Variants in FAM171A2 observed in about 807,000 individuals in gnomAD.
The protein encoded by FAM171A2 is family with sequence similarity 171 member A2, also known as protein FAM171A2.
In FAM171A2, 13 loss-of-function variants were observed where a neutral mutation model predicts 34.2. The observed-to-expected ratio is 0.38, with a 90% CI of 0.25 to 0.60. The LOEUF is 0.60. Among genes scored for constraint, FAM171A2 ranks in the 20% least tolerant of loss-of-function variants. The probability of loss-of-function intolerance (pLI) is 0.62; values close to 1 mark genes in which losing one functional copy is unlikely to be tolerated. For missense variants in FAM171A2, 950 were observed against 1,180.7 expected, an observed-to-expected ratio of 0.80 and a Z score of 2.86; for synonymous variants, 475 against 561.2, an observed-to-expected ratio of 0.85 and a Z score of 2.17.
At chr17:44,361,841 C>T (rs962261228) in intron 1 of FAM171A2, among the ~76,000 whole-genome samples, 38 of 151,988 alleles carry the variant, frequency 2.5e-4, no homozygotes, top group African/African-American at 6.8e-4. Context: ...CCTAGGAGGA[C>T]GTGTGCAAGG....
At position 44,354,320 on chromosome 17, in the gene FAM171A2, C is replaced by T; in HGVS notation, c.1894G>A (p.Gly632Arg). The stretch of plus-strand genomic sequence containing the variant: ...TTCTCGGTCAGGGCCTGCAGCTCCC[C>T]GTTGAGCTGCGCCATGGTGGACTCG... Reference protein sequence around the residue: ...FNESTMAQLNGELQALTEKKL... With the variant: ...FNESTMAQLNRELQALTEKKL... The change falls in exon 8 of 8, where the codon GGG (glycine) becomes AGG (arginine). Residue 632 changes from glycine to arginine, a missense_variant. Gly to Arg is a moderately radical substitution (Grantham distance 125, BLOSUM62 -2). Around this residue, in one of 3 missense-constraint regions of FAM171A2, gnomAD observed 752 missense variants for 924.5 expected, o/e 0.81. Coordinates refer to ENST00000293443, the MANE Select transcript of FAM171A2 (RefSeq NM_198475.3). This position sits in a 1 kb window ranked among gnomAD's most constrained non-coding sequence, Gnocchi z 5.8. The T allele has an allele frequency of 6.9e-7, 1 of 1,443,480 alleles. No homozygotes were observed. Among genetic ancestry groups the T allele is most frequent in the Non-Finnish European group, 9.2e-7 (1 of 1,087,046 alleles). The allele number at this position is 1,443,480 out of a possible 1,614,324, so 89.4% of individuals were successfully genotyped here.
chr17:44,354,732 C>A lies in FAM171A2; in HGVS notation c.1482G>T (p.Lys494Asn). The A allele has an allele frequency of 7.6e-7, 1 of 1,322,444 alleles. No homozygotes were observed. The highest frequency in any genetic ancestry group is 9.7e-7 in the Non-Finnish European group (1 of 1,034,418). 81.9% of individuals were successfully genotyped at this position (1,322,444 alleles called of 1,614,324 possible). The change falls in exon 8 of 8, where the codon AAG becomes AAT. Residue 494 changes from lysine (K) to asparagine (N), a missense_variant. This residue lies in a region of FAM171A2 where 752 missense variants were observed against 924.5 expected (regional missense o/e 0.81). Transcript: ENST00000293443. The surrounding 1 kb of genome is among the most constrained non-coding windows in gnomAD (Gnocchi z 5.8). The part of the protein sequence containing the change: ...YLGHKGAAEG[K>N]TPDFLLSQSV... ...ACTGCGACAGCAGGAAGTCGGGGGT[C>A]TTGCCCTCGGCCGCCCCCTTGTGGC...
At chr17:44,362,430 C>A (rs1418033059) in intron 1 of FAM171A2, among the ~76,000 whole-genome samples, 1 of 152,198 alleles carries the variant, frequency 6.6e-6, no homozygotes, top group African/African-American at 2.4e-5. Context: ...GGAAATCCGA[C>A]CCCCTCCCTT....
intron 3 of FAM171A2, among the ~76,000 whole-genome samples, chr17:44,358,685 C>CAA (rs999803569): frequency 6.7e-6 from 1 of 150,366 alleles, no homozygotes; most frequent in Non-Finnish European, 1.5e-5. Context: ...TACTCCATCT[C>CAA]AAAAAAAAAC....
Position 44,356,419 on chromosome 17 carries a change from AC to A in FAM171A2, c.598+10del. ...TGGGGAGACCCCATCCGTGCTGGGC[AC>A]CCAGCCTACCTGAGCTGGAGGCCTC... On this transcript the variant is annotated intron_variant, in intron 4 of 7. Coordinates refer to ENST00000293443, the MANE Select transcript of FAM171A2 (RefSeq NM_198475.3). 6.5e-7 allele frequency: 1 copy of A among 1,550,210 alleles called. No individual in the cohort carries two copies.
In FAM171A2 at chr17:44,355,513, G is replaced by C. The variant is rs981849152; in HGVS notation, c.1022+202C>G. 6.6e-6 allele frequency among the ~76,000 whole-genome samples: 1 copy of C among 152,190 alleles called. No individual in the cohort carries two copies. Among genetic ancestry groups the C allele is most frequent in the Non-Finnish European group, 1.5e-5 (1 of 68,012 alleles). On this transcript the variant is annotated intron_variant, in intron 7 of 7. Transcript: ENST00000293443. The surrounding 1 kb of genome is among the most constrained non-coding windows in gnomAD (Gnocchi z 4.1). ...AGTGGCAGATCTCTCTGGAGGGGCC[G>C]GGCTGCAAGTCCTTAAGCCCTGCCT...
At chr17:44,363,509 A>G in intron 1 of FAM171A2, 88 bp downstream of exon 1, 1 of 558,070 alleles carries the variant, frequency 1.8e-6, no homozygotes, top group Non-Finnish European at 2.6e-6. Context: ...CACTCAATTC[A>G]CGAACGCCGC....
chr17:44,354,188 C>T lies in FAM171A2; in HGVS notation c.2026G>A (p.Gly676Ser). ...GCGTCGGTGCTGCGTGCCCCGCCGC[C>T]CGCCTGCAGGTCGATGTAAGAGTGG... ...VRHSYIDLQA[G>S]GGARSTDASL... The change falls in exon 8 of 8, where the codon GGC (glycine) becomes AGC (serine). Residue 676 changes from glycine (G) to serine (S), a missense_variant. Physicochemically the swap from Gly to Ser is moderately conservative, Grantham distance 56 (BLOSUM62 0). Coordinates refer to ENST00000293443, the MANE Select transcript of FAM171A2 (RefSeq NM_198475.3). This position sits in a 1 kb window ranked among gnomAD's most constrained non-coding sequence, Gnocchi z 5.8. The T allele has an allele frequency of 2.2e-6, 3 of 1,375,396 alleles. No homozygotes were observed. Among genetic ancestry groups the T allele is most frequent in the Non-Finnish European group, 2.8e-6 (3 of 1,053,676 alleles). 85.2% of individuals were successfully genotyped at this position (1,375,396 alleles called of 1,614,324 possible).
intron 3 of FAM171A2, among the ~76,000 whole-genome samples, chr17:44,357,948 C>T (rs781106866): frequency 6.6e-5 from 10 of 152,182 alleles, no homozygotes; most frequent in Non-Finnish European, 1.3e-4. Flanking sequence ...AATGGAGGCA[C>T]AGGGGTTCAG....
rs1598368597 is a variant in FAM171A2, at chr17:44,355,826, G to A, written c.911C>T (p.Thr304Met). The A allele has an allele frequency of 1.3e-6, 2 of 1,551,702 alleles. No individual in the cohort carries two copies. Among genetic ancestry groups the A allele is most frequent in the South Asian group, 2.4e-5 (2 of 84,060 alleles). The stretch of plus-strand genomic sequence containing the variant: ...GGTGCCGATGTCCTGGATGCCCGAC[G>A]TGATGGTGACCAGCCCTGTGCCAGG... The part of the protein sequence containing the change: ...ASPTAGLVTI[T>M]SGIQDIGTYH... Residue 304 changes from threonine to methionine, a missense_variant, in exon 7 of 8, where the codon ACG (threonine) becomes ATG (methionine). Thr to Met is a moderately conservative substitution (Grantham distance 81). This residue lies in a region of FAM171A2 where 752 missense variants were observed against 924.5 expected (regional missense o/e 0.81). Transcript: ENST00000293443. This position sits in a 1 kb window ranked among gnomAD's most constrained non-coding sequence, Gnocchi z 4.1.
chr17:44,363,549 T>A, intron 1 of FAM171A2, 48 bp downstream of exon 1: 1 of 935,092 alleles, frequency 1.1e-6, no homozygotes, highest in Non-Finnish European at 1.4e-6. Context: ...GGGAGCCTGA[T>A]CAGGGGGCGC....
rs929981307 is a variant in FAM171A2 at position 44,354,979 on chromosome 17, C to A, written c.1235G>T (p.Arg412Leu). 1 of 1,480,224 alleles carries A rather than the reference C, an allele frequency of 6.8e-7. No homozygotes were observed. The highest frequency in any genetic ancestry group is 1.4e-5 in the African/African-American group (1 of 70,294). The allele number at this position is 1,480,224 out of a possible 1,614,324, so 91.7% of individuals were successfully genotyped here. A position where few individuals can be genotyped will look rare whatever the true frequency, so the allele number is the denominator to read the frequency against. Residue 412 changes from arginine (R) to leucine (L), a missense_variant, in exon 8 of 8, where the codon CGG becomes CTG. Arg to Leu is a moderately radical substitution (Grantham distance 102). Around this residue, in one of 3 missense-constraint regions of FAM171A2, gnomAD observed 752 missense variants for 924.5 expected, o/e 0.81. Transcript: ENST00000293443. The surrounding 1 kb of genome is among the most constrained non-coding windows in gnomAD (Gnocchi z 5.8). ...CGGCTTGGTGCGGAAGAAGTCATCC[C>A]GGGAGGAGGCCAAGTCCCGGGAGCT... The part of the protein sequence containing the change: ...FSSSRDLASS[R>L]DDFFRTKPRS...
intron 1 of FAM171A2, among the ~76,000 whole-genome samples, chr17:44,361,086 G>C (rs1011864686): frequency 6.6e-6 from 1 of 152,130 alleles, no homozygotes; most frequent in African/African-American, 2.4e-5. Context: ...GCTGGGGAGG[G>C]AAGCCCAAGT....
At position 44,353,648 on chromosome 17, in the gene FAM171A2, G is replaced by GCGCGAGGGCC. The variant is rs1276838744; in HGVS notation, c.*75_*84dup. ...TCTCCGGCCTGGGGCTGGGAGCTAC[G>GCGCGAGGGCC]CGCGAGGGCCCCCGCGGGCCCCCGG... is the stretch of plus-strand genomic sequence containing the variant. On this transcript the variant is annotated 3_prime_UTR_variant, in exon 8 of 8. Coordinates refer to ENST00000293443, the MANE Select transcript of FAM171A2 (RefSeq NM_198475.3). 1.7e-5 allele frequency: 18 copies of GCGCGAGGGCC among 1,050,912 alleles called. No homozygotes were observed. The highest frequency in any genetic ancestry group is 2.0e-5 in the Non-Finnish European group (17 of 837,562). The allele number at this position is 1,050,912 out of a possible 1,614,324, so 65.1% of individuals were successfully genotyped here.
intron 3 of FAM171A2, chr17:44,359,177 C>T (rs1370220754): frequency 1.1e-5 from 2 of 187,108 alleles, no homozygotes; most frequent in Non-Finnish European, 2.2e-5. Flanking sequence ...CTGAGCGAGA[C>T]CAAAAGCCTG....
In FAM171A2 at chr17:44,363,802, C is replaced by G. The variant is rs2048458396; in HGVS notation, c.-88G>C. The G allele has an allele frequency of 1.3e-5, 7 of 548,110 alleles. No individual in the cohort carries two copies. The highest frequency in any genetic ancestry group is 1.8e-5 in the Non-Finnish European group (7 of 385,354). The allele number at this position is 548,110 out of a possible 1,614,324, so 34.0% of individuals were successfully genotyped here. On this transcript the variant is annotated 5_prime_UTR_variant, in exon 1 of 8. Transcript: ENST00000293443. ...GCGCAGCCCCAGCTCTGCGCCGCGC[C>G]TCGCAGCTCCGGCTCCCGCTCCCGC...
rs1460837422 is a variant in FAM171A2 at position 44,353,708 on chromosome 17, G to A, written c.*25C>T. ...CCTGGGTGCGGGCCCGCGCGGGAGGGGCGGTGCCAGGCCCTGCGCGGGCGC... is the reference window on the plus strand; with the variant it reads ...CCTGGGTGCGGGCCCGCGCGGGAGGAGCGGTGCCAGGCCCTGCGCGGGCGC... On this transcript the variant is annotated 3_prime_UTR_variant, in exon 8 of 8. Transcript: ENST00000293443. 6.1e-6 allele frequency: 8 copies of A among 1,308,182 alleles called. No individual in the cohort carries two copies. The highest frequency in any genetic ancestry group is 3.9e-5 in the South Asian group (2 of 51,062). The allele number at this position is 1,308,182 out of a possible 1,614,324, so 81.0% of individuals were successfully genotyped here.
intron 3 of FAM171A2, among the ~76,000 whole-genome samples, chr17:44,356,961 A>T (rs34259994): frequency 0.058 from 8,887 of 152,258 alleles, 860 homozygotes; most frequent in African/African-American, 0.2. Context: ...TGTGCTGCCC[A>T]TTATGGTACC....
At chr17:44,359,377 CTG>C (rs2048438585) in intron 3 of FAM171A2, 200 bp downstream of exon 3, 3 of 598,882 alleles carry the variant, frequency 5.0e-6, no homozygotes, top group Admixed American at 2.9e-5. Context: ...ACCTTCTGTA[CTG>C]TGTTTTTTCA....
Sources: allele counts gnomAD v4.1 joint callset (sites outside exome capture counted in the v4.1 genomes callset), GRCh38; gene constraint gnomAD v4.1.1; regional missense constraint gnomAD v4.1.1; non-coding constraint Gnocchi (gnomAD v3.1); transcripts MANE v1.5; gene names NCBI Gene and HGNC (gene_info 2026-07-23, HGNC 2026-07-21).